EPB41L4A: variants seen among roughly 807,000 people sequenced by gnomAD.
EPB41L4A encodes the protein erythrocyte membrane protein band 4.1 like 4A.
A neutral mutation model predicts 108.6 loss-of-function variants in EPB41L4A; 100 were observed. That is an observed-to-expected ratio of 0.92 (90% CI 0.78 to 1.09). EPB41L4A has a LOEUF of 1.09. EPB41L4A is among the 50% of genes least tolerant of loss of function. The probability of loss-of-function intolerance (pLI) is 0.00; values close to 1 mark genes in which losing one functional copy is unlikely to be tolerated. For missense variants in EPB41L4A, 1,030 were observed against 842.7 expected (o/e 1.22, Z -2.75); for synonymous variants, 319 against 289.0 (o/e 1.10, Z -1.05).
intron 13 of EPB41L4A, chr5:112,143,886 G>A (rs1759155394): frequency 2.2e-6 from 1 of 455,072 alleles, no homozygotes; most frequent in South Asian, 1.6e-5. Context: ...CTGCACTGAA[G>A]ACATAGAAAA....
chr5:112,257,480 CA>C (rs1188061961), intron 9 of EPB41L4A, among the ~76,000 whole-genome samples: 2 of 152,100 alleles, frequency 1.3e-5, no homozygotes, highest in Non-Finnish European at 2.9e-5. Context: ...ACACAGGAAA[CA>C]GGGTCATTCG....
In EPB41L4A at chr5:112,280,260, CTAAATACCTACTGTT is replaced by C. The variant is rs776896066; in HGVS notation, c.253_256+11del. 1 of 1,612,986 alleles carries C rather than the reference CTAAATACCTACTGTT, an allele frequency of 6.2e-7. No homozygotes were observed. The highest frequency in any genetic ancestry group is 1.1e-5 in the South Asian group (1 of 91,058). ...AAGCCACCCTTTAACAAAGTAAAAG[CTAAATACCTACTGTT>C]GATCAGTTCTTTGTGTTCAGCAAGG... On this transcript the variant is annotated splice_donor_variant and splice_donor_5th_base_variant and coding_sequence_variant and intron_variant, in exon 3 of 23. Transcript: ENST00000261486. LOFTEE classifies it high-confidence loss of function.
intron 1 of EPB41L4A, among the ~76,000 whole-genome samples, chr5:112,339,480 A>ATAGATATATCTATATC (rs1757130255): frequency 6.1e-5 from 2 of 32,966 alleles, no homozygotes; most frequent in African/African-American, 2.3e-4. Context: ...ATATCTATAT[A>ATAGATATATCTATATC]TATATATATA....
At chr5:112,405,065 GT>G in intron 1 of EPB41L4A, among the ~76,000 whole-genome samples, 1 of 152,206 alleles carries the variant, frequency 6.6e-6, no homozygotes, top group African/African-American at 2.4e-5. Context: ...TCTCACACGA[GT>G]GGTGTGACCA....
intron 9 of EPB41L4A, among the ~76,000 whole-genome samples, chr5:112,257,834 G>A (rs1751217984): frequency 6.6e-6 from 1 of 152,072 alleles, no homozygotes; most frequent in African/African-American, 2.4e-5. Context: ...TTATTATTTA[G>A]ATGAATTATT....
chr5:112,275,050 G>A (rs1422597781), intron 4 of EPB41L4A, among the ~76,000 whole-genome samples: 1 of 152,174 alleles, frequency 6.6e-6, no homozygotes, highest in African/African-American at 2.4e-5. Flanking sequence ...AAGGCTGAAT[G>A]CATGCTTAAC....
chr5:112,206,677 G>C (rs1392474270), intron 13 of EPB41L4A, among the ~76,000 whole-genome samples: 2 of 152,114 alleles, frequency 1.3e-5, no homozygotes, highest in Admixed American at 1.3e-4. Flanking sequence ...AGATAAAAGA[G>C]GAACTGAGAG....
chr5:112,199,706 C>T (rs937809112), intron 15 of EPB41L4A, among the ~76,000 whole-genome samples: 17 of 152,188 alleles, frequency 1.1e-4, no homozygotes, highest in African/African-American at 4.1e-4. Context: ...GATGATTCTA[C>T]TTCTACGCAA....
At chr5:112,334,552 T>C (rs1756795261) in intron 1 of EPB41L4A, among the ~76,000 whole-genome samples, 1 of 152,226 alleles carries the variant, frequency 6.6e-6, no homozygotes, top group Admixed American at 6.5e-5. Context: ...GGTCTTTATA[T>C]AATAATTTAT....
At position 112,209,989 on chromosome 5, in the gene EPB41L4A, G is replaced by C. The variant is rs763049262; in HGVS notation, c.1088-7C>G. 2.0e-6 allele frequency: 3 copies of C among 1,505,732 alleles called. No homozygotes were observed. The highest frequency in any genetic ancestry group is 2.3e-5 in the East Asian group (1 of 43,620). The allele number at this position is 1,505,732 out of a possible 1,614,324, so 93.3% of individuals were successfully genotyped here. ...CTACTGATGCTGTTTGATTCTAGCA[G>C]AGGAGGAGAAGGAAAGATGGAAGAG... On this transcript the variant is annotated splice_region_variant and splice_polypyrimidine_tract_variant and intron_variant, in intron 12 of 22. Coordinates refer to ENST00000261486, the MANE Select transcript of EPB41L4A (RefSeq NM_022140.5).
chr5:112,260,105 T>C, intron 7 of EPB41L4A, 126 bp from the exon 8 acceptor site: 1 of 706,100 alleles, frequency 1.4e-6, no homozygotes, highest in Non-Finnish European at 2.4e-6. Context: ...GACATCAGCC[T>C]AGAAAGCTAG....
At chr5:112,409,834 G>C (rs905952022) in intron 1 of EPB41L4A, among the ~76,000 whole-genome samples, 8 of 152,040 alleles carry the variant, frequency 5.3e-5, no homozygotes, top group African/African-American at 1.9e-4. Context: ...CCTTATTACT[G>C]ATGAGAAAGC....
At chr5:112,418,779 T>C (rs10036357) in intron 1 of EPB41L4A, among the ~76,000 whole-genome samples, 162 bp downstream of exon 1, 21,665 of 151,960 alleles carry the variant, frequency 0.14, 4,283 homozygotes, top group African/African-American at 0.44. Context: ...CTCACCCTGG[T>C]ACGTCCACCC....
intron 17 of EPB41L4A, among the ~76,000 whole-genome samples, chr5:112,189,198 C>A (rs2150248335): frequency 6.6e-6 from 1 of 152,320 alleles, no homozygotes; most frequent in Admixed American, 6.5e-5. Flanking sequence ...AGCTGGTCCC[C>A]ATTTTACAGA....
intron 8 of EPB41L4A, 71 bp from the exon 9 acceptor site, chr5:112,259,363 C>T: frequency 7.6e-7 from 1 of 1,323,626 alleles, no homozygotes; most frequent in South Asian, 1.2e-5. Context: ...GGGAAGTATC[C>T]AGTGGAAAAA....
intron 21 of EPB41L4A, 45 bp from the exon 22 acceptor site, chr5:112,168,865 G>T: frequency 6.5e-7 from 1 of 1,547,634 alleles, no homozygotes; most frequent in East Asian, 2.2e-5. Context: ...ACAGTATCTA[G>T]AATCATAAAT....
chr5:112,339,754 T>C (rs1757190313), intron 1 of EPB41L4A, among the ~76,000 whole-genome samples: 1 of 151,970 alleles, frequency 6.6e-6, no homozygotes, highest in Non-Finnish European at 1.5e-5. Context: ...CAGGCTGGTC[T>C]CCAACTCCTG....
intron 1 of EPB41L4A, among the ~76,000 whole-genome samples, chr5:112,308,826 G>A (rs1223091696): frequency 6.6e-6 from 1 of 152,124 alleles, no homozygotes; most frequent in Non-Finnish European, 1.5e-5. Flanking sequence ...TTTGATGAGA[G>A]TATATGTTTT....
chr5:112,152,297 C>G (rs368059163), intron 12 of EPB41L4A, among the ~76,000 whole-genome samples: 1 of 151,492 alleles, frequency 6.6e-6, no homozygotes, highest in South Asian at 2.1e-4. Context: ...AAAAGTGAAC[C>G]AAATATTCTA....
Sources: gnomAD v4.1 joint callset for allele counts (sites outside exome capture counted in the v4.1 genomes callset) on GRCh38, gnomAD v4.1.1 for gene constraint, MANE v1.5 for transcripts, NCBI Gene and HGNC (gene_info 2026-07-23, HGNC 2026-07-21) for gene names.